The following RGS6 variants were observed in gnomAD, a reference collection of about 807,000 sequenced individuals.
RGS6 encodes the protein regulator of G protein signaling 6, also known as regulator of G-protein signaling 6.
RGS6 carries 30 observed loss-of-function variants against 78.5 expected under a neutral mutation model. The observed-to-expected ratio is 0.38, with a 90% confidence interval of 0.29 to 0.52. RGS6 has a LOEUF of 0.52. RGS6 is among the 20% of genes least tolerant of loss of function. RGS6 has a pLI of 0.85. For synonymous variants in RGS6, 206 were observed against 206.0 expected (o/e 1.00, Z 0.00); for missense variants, 495 against 609.7 (o/e 0.81, Z 1.98).
chr14:72,297,523 A>T (rs2065107314), intron 2 of RGS6, among the ~76,000 whole-genome samples: 1 of 149,772 alleles, frequency 6.7e-6, no homozygotes, highest in Non-Finnish European at 1.5e-5. Context: ...CGCTGCACCC[A>T]CTAACTCGTC....
intron 3 of RGS6, among the ~76,000 whole-genome samples, chr14:72,451,793 G>T (rs1342727295): frequency 1.3e-5 from 2 of 151,996 alleles, no homozygotes; most frequent in African/African-American, 4.8e-5. Context: ...TCACTCTGTG[G>T]CCAGGCTGGA....
intron 2 of RGS6, among the ~76,000 whole-genome samples, chr14:72,157,150 ACT>A (rs1466985457): frequency 1.3e-5 from 2 of 151,982 alleles, no homozygotes; most frequent in Non-Finnish European, 2.9e-5. Context: ...TCTCTAAAGA[ACT>A]CTCTCTGGGT....
At chr14:72,216,943 C>G (rs942199372) in intron 2 of RGS6, among the ~76,000 whole-genome samples, 1 of 151,996 alleles carries the variant, frequency 6.6e-6, no homozygotes, top group African/African-American at 2.4e-5. Flanking sequence ...TAACTTTGAC[C>G]TTTTGGTAAA....
chr14:72,253,489 A>G (rs2153845697), intron 2 of RGS6, among the ~76,000 whole-genome samples: 1 of 152,308 alleles, frequency 6.6e-6, no homozygotes, highest in Admixed American at 6.5e-5. Context: ...TGTCATAGCT[A>G]CTCAATTCTA....
intron 3 of RGS6, among the ~76,000 whole-genome samples, chr14:72,401,453 G>A (rs1007386612): frequency 4.6e-5 from 7 of 151,822 alleles, no homozygotes; most frequent in African/African-American, 1.2e-4. Flanking sequence ...CAGCCATTTT[G>A]TTAATAGAAA....
the RGS6 span, among the ~76,000 whole-genome samples, chr14:71,919,286 T>C: frequency 6.6e-6 from 1 of 152,168 alleles, no homozygotes; most frequent in Non-Finnish European, 1.5e-5. Flanking sequence ...CCCCTACTCT[T>C]ATTCTTTACA....
At chr14:72,553,681 C>G (rs1027814739) in intron 17 of RGS6, among the ~76,000 whole-genome samples, 9 of 152,180 alleles carry the variant, frequency 5.9e-5, no homozygotes, top group African/African-American at 9.7e-5. Flanking sequence ...ACTCTCTTCT[C>G]CTAGTCCCAT....
At chr14:72,339,122 T>A (rs751638245) in intron 2 of RGS6, among the ~76,000 whole-genome samples, 1 of 152,072 alleles carries the variant, frequency 6.6e-6, no homozygotes, top group Non-Finnish European at 1.5e-5. Flanking sequence ...ATGATCAGAA[T>A]GTTGTGTCCC....
At chr14:71,906,416 T>C in the RGS6 span, among the ~76,000 whole-genome samples, 3 of 152,218 alleles carry the variant, frequency 2.0e-5, no homozygotes, top group Admixed American at 6.5e-5. Context: ...CGGGGCAGAC[T>C]GGGTGAGGAA....
intron 17 of RGS6, chr14:72,553,434 G>C (rs568428158): frequency 6.6e-6 from 1 of 152,586 alleles, no homozygotes; most frequent in Non-Finnish European, 1.5e-5. Flanking sequence ...ATCCAAAAGA[G>C]ATGATCTGTT....
At chr14:72,570,122 T>C (rs1377932143), downstream of RGS6, among the ~76,000 whole-genome samples, 1 of 152,094 alleles carries the variant, frequency 6.6e-6, no homozygotes, top group Non-Finnish European at 1.5e-5. Context: ...AAAAATATTT[T>C]TAAAAATTAA....
At chr14:71,958,458 A>C (rs182221303) in intron 1 of RGS6, among the ~76,000 whole-genome samples, 38 of 152,346 alleles carry the variant, frequency 2.5e-4, no homozygotes, top group Admixed American at 1.4e-3. Context: ...GGCCGGGCTG[A>C]GAACCACTGC....
chr14:72,562,504 A>G lies in RGS6; in HGVS notation c.*37A>G. The G allele has an allele frequency of 6.2e-7, 1 of 1,609,352 alleles. No individual in the cohort carries two copies. The highest frequency in any genetic ancestry group is 8.5e-7 in the Non-Finnish European group (1 of 1,179,808). ...GCAGGTCCAGGGCCTGGGCCCGCGG[A>G]CCCCACAGGCAGGCGGCGGCGCTCC... On this transcript the variant is annotated 3_prime_UTR_variant, in exon 18 of 18. Coordinates refer to ENST00000553525, the MANE Select transcript of RGS6 (RefSeq NM_001204424.2).
intron 2 of RGS6, among the ~76,000 whole-genome samples, chr14:72,104,621 C>T (rs979656868): frequency 6.6e-6 from 1 of 152,194 alleles, no homozygotes; most frequent in African/African-American, 2.4e-5. Flanking sequence ...TCAGTTACCC[C>T]ACACCTTCTC....
chr14:72,396,766 T>G (rs925008482), intron 3 of RGS6, among the ~76,000 whole-genome samples: 2 of 147,894 alleles, frequency 1.4e-5, no homozygotes, highest in Non-Finnish European at 2.9e-5. Flanking sequence ...TACATATGTC[T>G]AGCCAGTTTT....
chr14:72,570,245 A>G (rs1411485569), downstream of RGS6, among the ~76,000 whole-genome samples: 1 of 152,270 alleles, frequency 6.6e-6, no homozygotes, highest in African/African-American at 2.4e-5. Context: ...TGTAAAGTAT[A>G]TAGGAGGATG....
intron 2 of RGS6, among the ~76,000 whole-genome samples, chr14:72,187,881 T>C (rs1012638706): frequency 5.3e-5 from 8 of 149,730 alleles, no homozygotes; most frequent in African/African-American, 2.0e-4. Flanking sequence ...CAGACATGTG[T>C]GGAACAGTGA....
intron 2 of RGS6, among the ~76,000 whole-genome samples, chr14:72,112,440 G>C (rs946011320): frequency 1.3e-5 from 2 of 152,096 alleles, no homozygotes; most frequent in African/African-American, 2.4e-5. Context: ...GTGGCAGCAG[G>C]GTAGGATTCT....
rs1242222817 is a variant in RGS6 at position 72,563,566 on chromosome 14, A to G, written c.*1099A>G. The G allele has an allele frequency of 6.6e-6, 1 of 152,456 alleles. No individual in the cohort carries two copies. The highest frequency in any genetic ancestry group is 1.5e-5 in the Non-Finnish European group (1 of 68,244). 9.4% of individuals were successfully genotyped at this position (152,456 alleles called of 1,614,324 possible). ...CCACAGGGCTCTCCTCCCAGTCTTTATCTGAAGGCCCAGCCAAAGCACCCC... is the reference window on the plus strand; with the variant it reads ...CCACAGGGCTCTCCTCCCAGTCTTTGTCTGAAGGCCCAGCCAAAGCACCCC... On this transcript the variant is annotated 3_prime_UTR_variant, in exon 18 of 18. Coordinates refer to ENST00000553525, the MANE Select transcript of RGS6 (RefSeq NM_001204424.2).
Sources: allele counts gnomAD v4.1 joint callset (sites outside exome capture counted in the v4.1 genomes callset), GRCh38; gene constraint gnomAD v4.1.1; transcripts MANE v1.5; gene names NCBI Gene and HGNC (gene_info 2026-07-23, HGNC 2026-07-21).